PRKCE: variants seen among roughly 807,000 people sequenced by gnomAD.
PRKCE encodes protein kinase C epsilon.
Under a neutral mutation model 85.4 loss-of-function variants are expected in PRKCE, and 16 were observed. That is an observed-to-expected ratio of 0.19 (90% CI 0.13 to 0.28). The LOEUF (loss-of-function observed/expected upper bound fraction) is 0.28. Among genes scored for constraint, PRKCE ranks in the 10% least tolerant of loss-of-function variants. The pLI, the probability that PRKCE is intolerant of heterozygous loss-of-function variation, is 1.00. For synonymous variants in PRKCE, 388 were observed against 371.5 expected, an observed-to-expected ratio of 1.04 and a Z score of -0.51; for missense variants, 573 against 975.2, an observed-to-expected ratio of 0.59 and a Z score of 5.49.
intron 10 of PRKCE, among the ~76,000 whole-genome samples, chr2:46,064,540 G>A (rs1044753769): frequency 1.3e-5 from 2 of 152,178 alleles, no homozygotes; most frequent in Non-Finnish European, 2.9e-5. Context: ...GAGGGATTTA[G>A]ATTTTCATCA....
At chr2:45,998,415 A>G (rs558692422) in intron 6 of PRKCE, among the ~76,000 whole-genome samples, 9 of 152,304 alleles carry the variant, frequency 5.9e-5, no homozygotes, top group African/African-American at 2.2e-4. Flanking sequence ...TGACCTTTTT[A>G]TCCCTAATAA....
At chr2:46,073,828 C>G (rs1351983903) in intron 10 of PRKCE, 1 of 152,124 alleles carries the variant, frequency 6.6e-6, no homozygotes, top group African/African-American at 2.4e-5. Context: ...AAGAGAGACA[C>G]CGTCCTTCCA....
At chr2:45,901,304 C>T (rs1054642918) in intron 2 of PRKCE, among the ~76,000 whole-genome samples, 4 of 152,182 alleles carry the variant, frequency 2.6e-5, no homozygotes, top group African/African-American at 9.7e-5. Flanking sequence ...ATTAGTGTTT[C>T]AGAATGTTAA....
intron 2 of PRKCE, among the ~76,000 whole-genome samples, chr2:45,878,837 C>T (rs181565140): frequency 2.5e-4 from 38 of 152,266 alleles, no homozygotes; most frequent in African/African-American, 8.9e-4. Context: ...AGTGTTTGCT[C>T]CATTTCTCCT....
At chr2:46,035,507 T>G (rs1188740528) in intron 10 of PRKCE, among the ~76,000 whole-genome samples, 1 of 152,192 alleles carries the variant, frequency 6.6e-6, no homozygotes, top group Non-Finnish European at 1.5e-5. Flanking sequence ...ACTCCCCTCT[T>G]TAGTCCAGGG....
At chr2:46,119,356 T>G (rs984784479) in intron 11 of PRKCE, among the ~76,000 whole-genome samples, 1 of 152,194 alleles carries the variant, frequency 6.6e-6, no homozygotes, top group Non-Finnish European at 1.5e-5. Flanking sequence ...CTATTAGTTC[T>G]TTTTAGGGCA....
In PRKCE at chr2:45,652,929, G is replaced by A. The variant is rs1675195797; in HGVS notation, c.348+481G>A. Among the ~76,000 whole-genome samples, 1 of 152,126 alleles carries A rather than the reference G, an allele frequency of 6.6e-6. No homozygotes were observed. Among genetic ancestry groups the A allele is most frequent in the Non-Finnish European group, 1.5e-5 (1 of 68,020 alleles). Reference sequence around the variant, plus strand: ...GCTTTATTTTTCCCTCCGAGAGGAAGCTGGCTTGTTTCTATTCTCTTGCAT... The same window carrying A: ...GCTTTATTTTTCCCTCCGAGAGGAAACTGGCTTGTTTCTATTCTCTTGCAT... On this transcript the variant is annotated intron_variant, in intron 1 of 14. Coordinates refer to ENST00000306156, the MANE Select transcript of PRKCE (RefSeq NM_005400.3). The surrounding 1 kb of genome is among the most constrained non-coding windows in gnomAD (Gnocchi z 7.7).
At chr2:45,748,818 G>A (rs1683333155) in intron 1 of PRKCE, among the ~76,000 whole-genome samples, 1 of 152,056 alleles carries the variant, frequency 6.6e-6, no homozygotes, top group Non-Finnish European at 1.5e-5. Flanking sequence ...AATGAGAGAT[G>A]TTGTGCCTTT....
intron 2 of PRKCE, among the ~76,000 whole-genome samples, chr2:45,894,729 ATTTG>A (rs1474778257): frequency 6.6e-6 from 1 of 151,882 alleles, no homozygotes; most frequent in East Asian, 1.9e-4. Context: ...TGTGTTTTTC[ATTTG>A]TTTGTTTGCG....
rs145652947 is a variant in PRKCE at position 46,161,123 on chromosome 2, G to A, written c.2067+1371G>A. Among the ~76,000 whole-genome samples the A allele has an allele frequency of 5.4e-3, 829 of 152,296 alleles. 7 individuals carry two copies. Among genetic ancestry groups the A allele is most frequent in the African/African-American group, 0.019 (787 of 41,560 alleles). Reference sequence around the variant, plus strand: ...GCCCACCATTCCAAGCCAGGAGGGCGTAGACTCTAAGCTCCCTGGGTTAAC... The same window carrying A: ...GCCCACCATTCCAAGCCAGGAGGGCATAGACTCTAAGCTCCCTGGGTTAAC... On this transcript the variant is annotated intron_variant, in intron 14 of 14. Transcript: ENST00000306156.
chr2:45,664,235 C>T (rs998401958), intron 1 of PRKCE, among the ~76,000 whole-genome samples: 2 of 152,164 alleles, frequency 1.3e-5, no homozygotes, highest in Non-Finnish European at 2.9e-5. Flanking sequence ...TCCAAGTTCA[C>T]AGATCTAAAA....
intron 10 of PRKCE, among the ~76,000 whole-genome samples, chr2:46,082,826 G>A (rs1237656612): frequency 1.3e-5 from 2 of 152,194 alleles, no homozygotes; most frequent in Non-Finnish European, 2.9e-5. Flanking sequence ...GAAGACTTAC[G>A]ATAATAACTG....
intron 11 of PRKCE, among the ~76,000 whole-genome samples, chr2:46,132,032 A>G (rs1674512506): frequency 6.6e-6 from 1 of 152,198 alleles, no homozygotes; most frequent in African/African-American, 2.4e-5. Flanking sequence ...AAAAGAAAAA[A>G]TAAACAAATA....
At chr2:45,825,664 G>C (rs550471963) in intron 1 of PRKCE, among the ~76,000 whole-genome samples, 2 of 152,060 alleles carry the variant, frequency 1.3e-5, no homozygotes, top group Non-Finnish European at 2.9e-5. Context: ...GAGGAGGATC[G>C]CTTGAAGCCA....
At chr2:45,924,204 G>A (rs1698449607) in intron 2 of PRKCE, among the ~76,000 whole-genome samples, 2 of 152,178 alleles carry the variant, frequency 1.3e-5, no homozygotes, top group African/African-American at 4.8e-5. Flanking sequence ...GTTCGTTCCT[G>A]TCCTGGCCAT....
Position 45,905,833 on chromosome 2 carries a change from G to A in PRKCE, c.412+62770G>A, listed in dbSNP as rs1306557624. ...AACTCTGTACTCAGTTACAAATTGG[G>A]TGAGATGTGGCTCCCACAGTGGGAA... On this transcript the variant is annotated intron_variant, in intron 2 of 14. Coordinates refer to ENST00000306156, the MANE Select transcript of PRKCE (RefSeq NM_005400.3). This position sits in a 1 kb window ranked among gnomAD's most constrained non-coding sequence, Gnocchi z 4.4. Among the ~76,000 whole-genome samples, 1 of 152,240 alleles carries A rather than the reference G, an allele frequency of 6.6e-6. No individual in the cohort carries two copies. Among genetic ancestry groups the A allele is most frequent in the South Asian group, 2.1e-4 (1 of 4,836 alleles).
rs1680455728 is a variant in PRKCE at position 46,186,460 on chromosome 2, C to A, written c.*1579C>A. On this transcript the variant is annotated 3_prime_UTR_variant, in exon 15 of 15. Coordinates refer to ENST00000306156, the MANE Select transcript of PRKCE (RefSeq NM_005400.3). ...AGGTATCAACTGCTGCATGTTCAGG[C>A]ATATTATAAAACTTTAGTCTATGAA... 6.6e-6 allele frequency: 1 copy of A among 152,374 alleles called. No individual in the cohort carries two copies. Among genetic ancestry groups the A allele is most frequent in the South Asian group, 2.1e-4 (1 of 4,802 alleles). 9.4% of individuals were successfully genotyped at this position (152,374 alleles called of 1,614,324 possible).
intron 1 of PRKCE, among the ~76,000 whole-genome samples, chr2:45,754,461 C>T (rs528795321): frequency 2.0e-5 from 3 of 152,086 alleles, no homozygotes; most frequent in Non-Finnish European, 2.9e-5. Context: ...ATTTATTCTC[C>T]GTGGGGTTTC....
chr2:45,958,210 A>G lies in PRKCE; in HGVS notation c.413-18219A>G, dbSNP rs1180929766. Among the ~76,000 whole-genome samples the G allele has an allele frequency of 9.3e-5, 14 of 150,026 alleles. No individual in the cohort carries two copies. In the East Asian group the frequency reaches 1.2e-3, roughly 12 times the overall value. ...GCCCGCAAAAAAAAAAAAAAAAAAA[A>G]AAAGAAAAAGAAAATTGGGCCAGGC... On this transcript the variant is annotated intron_variant, in intron 2 of 14. Transcript: ENST00000306156.
Sources: gnomAD v4.1 joint callset for allele counts (sites outside exome capture counted in the v4.1 genomes callset) on GRCh38, gnomAD v4.1.1 for gene constraint, Gnocchi (gnomAD v3.1) non-coding constraint, MANE v1.5 for transcripts, NCBI Gene and HGNC (gene_info 2026-07-23, HGNC 2026-07-21) for gene names.